MAST4: variants seen among roughly 807,000 people sequenced by gnomAD.
The protein encoded by MAST4 is microtubule-associated serine/threonine-protein kinase 4.
A neutral mutation model predicts 162.7 loss-of-function variants in MAST4; 89 were observed. The observed-to-expected ratio is 0.55, with a 90% CI of 0.46 to 0.65. MAST4 has a LOEUF of 0.65. Ranked by LOEUF, MAST4 falls within the 30% of genes least tolerant of loss-of-function variation. The pLI is 0.00. For missense variants in MAST4, 3,153 were observed against 3,374.0 expected (o/e 0.93, Z 1.62); for synonymous variants, 1,479 against 1,361.1 (o/e 1.09, Z -1.91).
chr5:66,800,614 A>G (rs1179012154), intron 3 of MAST4, among the ~76,000 whole-genome samples: 2 of 152,102 alleles, frequency 1.3e-5, no homozygotes, highest in Non-Finnish European at 2.9e-5. Context: ...TACCTGGGTG[A>G]TGAAATAATC....
At chr5:66,975,322 G>T (rs1455199814) in intron 4 of MAST4, among the ~76,000 whole-genome samples, 2 of 152,246 alleles carry the variant, frequency 1.3e-5, no homozygotes, top group Non-Finnish European at 2.9e-5. Context: ...AGCAAATGCA[G>T]TGGTAAACTG....
intron 1 of MAST4, among the ~76,000 whole-genome samples, chr5:66,614,334 A>G (rs369517787): frequency 6.6e-6 from 1 of 152,216 alleles, no homozygotes; most frequent in African/African-American, 2.4e-5. Flanking sequence ...TGAAATTTGT[A>G]GCTACAACCA....
At chr5:67,087,869 A>G (rs1023726549) in intron 5 of MAST4, among the ~76,000 whole-genome samples, 2 of 152,250 alleles carry the variant, frequency 1.3e-5, no homozygotes, top group African/African-American at 4.8e-5. Context: ...TGGGAATTTA[A>G]GTTAGGTTTT....
intron 3 of MAST4, among the ~76,000 whole-genome samples, chr5:66,865,757 G>C (rs1256485360): frequency 1.3e-5 from 2 of 152,178 alleles, no homozygotes; most frequent in Non-Finnish European, 2.9e-5. Context: ...AATTCAGTAA[G>C]TAAAGATCAG....
chr5:66,676,053 T>G (rs1286236464), intron 1 of MAST4, among the ~76,000 whole-genome samples: 1 of 152,200 alleles, frequency 6.6e-6, no homozygotes, highest in East Asian at 1.9e-4. Flanking sequence ...AAATCTTCAT[T>G]GATTTTTGGA....
rs1160095486 is a variant in MAST4 at position 67,163,598 on chromosome 5, G to A, written c.4419G>A (p.Glu1473=). The A allele has an allele frequency of 6.2e-7, 1 of 1,600,070 alleles. No homozygotes were observed. Among genetic ancestry groups the A allele is most frequent in the Non-Finnish European group, 8.5e-7 (1 of 1,173,884 alleles). ...SRKHSLEVTQ[E]EVQREQSQRE... ...AGCACAGCCTGGAGGTGACCCAAGA[G>A]GAGGTGCAGCGGGAGCAGTCCCAGC... The change falls in exon 29 of 29, where the codon GAG becomes GAA. Residue 1473 remains glutamate, a synonymous_variant. Coordinates refer to ENST00000403625, the MANE Select transcript of MAST4 (RefSeq NM_001164664.2). The surrounding 1 kb of genome is among the most constrained non-coding windows in gnomAD (Gnocchi z 7.0).
chr5:67,112,524 G>T lies in MAST4; in HGVS notation c.1459-1563G>T, dbSNP rs554486925. Among the ~76,000 whole-genome samples, 35 of 152,268 alleles carry T rather than the reference G, an allele frequency of 2.3e-4. No homozygotes were observed. In the South Asian group the frequency reaches 5.8e-3, roughly 25 times the overall value. On this transcript the variant is annotated intron_variant, in intron 11 of 28. Transcript: ENST00000403625. ...TCTCACCGTCTGGCTGTAAACCAAGGTTCTTATGACCCCTTCTCTGGGTTT... is the reference window on the plus strand; with the variant it reads ...TCTCACCGTCTGGCTGTAAACCAAGTTTCTTATGACCCCTTCTCTGGGTTT...
At chr5:66,714,134 A>T (rs1580269562) in intron 1 of MAST4, among the ~76,000 whole-genome samples, 2 of 152,220 alleles carry the variant, frequency 1.3e-5, no homozygotes, top group East Asian at 3.8e-4. Context: ...CTTTCTGCTA[A>T]ACTGCCTCTC....
chr5:66,711,968 G>T (rs1045356407), intron 1 of MAST4, among the ~76,000 whole-genome samples: 5 of 152,180 alleles, frequency 3.3e-5, no homozygotes, highest in African/African-American at 1.2e-4. Context: ...ACGTTCACCA[G>T]TTCAGGAGAT....
rs560756421 is a variant in MAST4, at chr5:66,931,157, C to G, written c.674+31175C>G. ...AATGATATGAGACCCTAAGTAGTATCTACTGCTTGGGGAACTGAGAAGGCA... is the reference window on the plus strand; with the variant it reads ...AATGATATGAGACCCTAAGTAGTATGTACTGCTTGGGGAACTGAGAAGGCA... On this transcript the variant is annotated intron_variant, in intron 4 of 28. Transcript: ENST00000403625. Among the ~76,000 whole-genome samples the G allele has an allele frequency of 3.4e-4, 52 of 152,226 alleles. No individual in the cohort carries two copies. In the South Asian group the frequency reaches 0.011, roughly 31 times the overall value.
rs191894825 is a variant in MAST4 at position 66,864,087 on chromosome 5, A to G, written c.643-35864A>G. Among the ~76,000 whole-genome samples the G allele has an allele frequency of 5.9e-5, 9 of 152,354 alleles. No individual in the cohort carries two copies. The East Asian group carries it at 1.7e-3, about 29-fold the overall frequency. ...TTGGTTTAATAAATATTTATTGAAC[A>G]CCTACTAAGTGCCAGGTAGAAAACA... is the stretch of plus-strand genomic sequence containing the variant. On this transcript the variant is annotated intron_variant, in intron 3 of 28. Transcript: ENST00000403625.
At chr5:66,697,878 T>G (rs1749505197) in intron 1 of MAST4, among the ~76,000 whole-genome samples, 1 of 152,118 alleles carries the variant, frequency 6.6e-6, no homozygotes, top group Non-Finnish European at 1.5e-5. Flanking sequence ...CATTTATGAG[T>G]ACAAAGGGGG....
Position 67,027,055 on chromosome 5 carries a change from CAT to C in MAST4, c.675-27348_675-27347del, listed in dbSNP as rs553956801. On this transcript the variant is annotated intron_variant, in intron 4 of 28. Transcript: ENST00000403625. Reference sequence around the variant, plus strand: ...CATAAGATTATTATCTTCAAGAACACATGTTTATATAATTATTGTAAAATATC... The same window carrying C: ...CATAAGATTATTATCTTCAAGAACACGTTTATATAATTATTGTAAAATATC... Among the ~76,000 whole-genome samples, 91 of 152,068 alleles carry C rather than the reference CAT, an allele frequency of 6.0e-4. No homozygotes were observed. The South Asian group carries it at 8.3e-3, about 14-fold the overall frequency.
At chr5:66,629,445 C>G (rs947741017) in intron 1 of MAST4, among the ~76,000 whole-genome samples, 1 of 152,160 alleles carries the variant, frequency 6.6e-6, no homozygotes, top group African/African-American at 2.4e-5. Context: ...TCCCTGCTGT[C>G]CTGCTCTGCT....
chr5:66,859,641 T>C (rs1350589437), intron 3 of MAST4, among the ~76,000 whole-genome samples: 2 of 152,244 alleles, frequency 1.3e-5, no homozygotes, highest in East Asian at 3.8e-4. Flanking sequence ...TACTGAGGAA[T>C]GAATTAAATG....
intron 1 of MAST4, among the ~76,000 whole-genome samples, chr5:66,680,700 G>A (rs192697637): frequency 3.1e-4 from 47 of 152,324 alleles, no homozygotes; most frequent in East Asian, 2.3e-3. Context: ...TCATGCTGAA[G>A]CACGGGGAGA....
intron 1 of MAST4, among the ~76,000 whole-genome samples, chr5:66,723,289 A>T (rs1283246529): frequency 6.6e-6 from 1 of 152,160 alleles, no homozygotes; most frequent in Non-Finnish European, 1.5e-5. Context: ...TCTATTAGTA[A>T]TTGAAATGAT....
At chr5:66,834,775 A>G (rs1456136984) in intron 3 of MAST4, among the ~76,000 whole-genome samples, 1 of 152,180 alleles carries the variant, frequency 6.6e-6, no homozygotes, top group Non-Finnish European at 1.5e-5. Context: ...CAGACTCTTA[A>G]TCCTCATGGG....
intron 5 of MAST4, among the ~76,000 whole-genome samples, chr5:67,083,713 G>T (rs1189445126): frequency 6.6e-6 from 1 of 152,126 alleles, no homozygotes; most frequent in African/African-American, 2.4e-5. Flanking sequence ...TTAATAGAAT[G>T]AATCAAGTTT....
Sources: allele counts gnomAD v4.1 joint callset (sites outside exome capture counted in the v4.1 genomes callset), GRCh38; gene constraint gnomAD v4.1.1; non-coding constraint Gnocchi (gnomAD v3.1); transcripts MANE v1.5; gene names NCBI Gene and HGNC (gene_info 2026-07-23, HGNC 2026-07-21).